The following IMMT variants were observed in gnomAD, a reference collection of about 807,000 sequenced individuals.
IMMT encodes MICOS complex subunit MIC60.
A neutral mutation model predicts 92.7 loss-of-function variants in IMMT; 40 were observed. That is an observed-to-expected ratio of 0.43 (90% CI 0.34 to 0.56). The LOEUF (loss-of-function observed/expected upper bound fraction) is 0.56. IMMT is among the 20% of genes least tolerant of loss of function. The probability of loss-of-function intolerance (pLI) is 0.03; values close to 1 mark genes in which losing one functional copy is unlikely to be tolerated. For synonymous variants in IMMT, 322 were observed against 336.1 expected (o/e 0.96, Z 0.46); for missense variants, 831 against 912.1 (o/e 0.91, Z 1.14).
intron 11 of IMMT, 64 bp from the exon 12 acceptor site, chr2:86,151,584 A>T: frequency 1.7e-6 from 2 of 1,172,632 alleles, no homozygotes; most frequent in Non-Finnish European, 2.5e-6. Flanking sequence ...TTACAAGGTA[A>T]TCTGCATCAA....
chr2:86,174,603 T>C (rs900462107), intron 3 of IMMT, among the ~76,000 whole-genome samples: 2 of 152,196 alleles, frequency 1.3e-5, no homozygotes, highest in African/African-American at 4.8e-5. Flanking sequence ...CTCTCTTAGG[T>C]AGCCACTGCT....
chr2:86,151,356 CAG>C lies in IMMT; in HGVS notation c.1340_1341del (p.Ser447CysfsTer12). 6.2e-7 allele frequency: 1 copy of C among 1,614,012 alleles called. No homozygotes were observed. The highest frequency in any genetic ancestry group is 8.5e-7 in the Non-Finnish European group (1 of 1,179,902). ...TGATGTTCTAATGCTTTTGCTACTG[CAG>C]AGTCAAATGCCCGCTTTTCTTCCAG... ...QKLEEKRAFD[S>X]AVAKALEHHR... On this transcript the variant is annotated frameshift_variant, in exon 12 of 15. Coordinates refer to ENST00000410111, the MANE Select transcript of IMMT (RefSeq NM_006839.3). LOFTEE classifies it high-confidence loss of function.
At chr2:86,192,992 T>A (rs569539218) in intron 1 of IMMT, 1 of 154,226 alleles carries the variant, frequency 6.5e-6, no homozygotes, top group Non-Finnish European at 1.5e-5. Flanking sequence ...CCAAAGAGCA[T>A]GACCTCATGT....
In IMMT at chr2:86,144,595, T is replaced by G. The variant is rs559198417; in HGVS notation, c.1950A>C (p.Glu650Asp). 1.7e-5 allele frequency: 28 copies of G among 1,613,984 alleles called. No homozygotes were observed. In the South Asian group the frequency reaches 2.5e-4, roughly 15 times the overall value. ...KLARRVAMIDETRNSLYQYFL... is the reference protein window; with the variant it reads ...KLARRVAMIDDTRNSLYQYFL... ...AGTACTGGTACAAGCTATTTCTGGT[T>G]TCATCAATCATTGCTACCCTTCGGG... Residue 650 changes from glutamate to aspartate, a missense_variant, in exon 15 of 15, where the codon GAA becomes GAC. Coordinates refer to ENST00000410111, the MANE Select transcript of IMMT (RefSeq NM_006839.3).
At chr2:86,187,897 A>G (rs1409137289) in intron 1 of IMMT, among the ~76,000 whole-genome samples, 1 of 150,688 alleles carries the variant, frequency 6.6e-6, no homozygotes, top group Non-Finnish European at 1.5e-5. Context: ...GGGCAACAAG[A>G]GTGAAACTCT....
intron 2 of IMMT, among the ~76,000 whole-genome samples, chr2:86,180,561 C>T (rs1243732668): frequency 2.0e-5 from 3 of 151,664 alleles, no homozygotes; most frequent in Admixed American, 6.6e-5. Flanking sequence ...CCACCACGCC[C>T]GGCCTAAACA....
At chr2:86,159,439 G>A in intron 9 of IMMT, 97 bp downstream of exon 9, 2 of 1,027,676 alleles carry the variant, frequency 1.9e-6, no homozygotes, top group East Asian at 2.6e-5. Flanking sequence ...AGAAAAGACG[G>A]GGAGATGGTA....
At chr2:86,188,766 T>C (rs1348498229) in intron 1 of IMMT, among the ~76,000 whole-genome samples, 1 of 152,096 alleles carries the variant, frequency 6.6e-6, no homozygotes, top group African/African-American at 2.4e-5. Context: ...TTTTTGTTAC[T>C]GAGTTGCAGG....
At chr2:86,152,867 CTAAT>C (rs1256525175) in intron 11 of IMMT, among the ~76,000 whole-genome samples, 1 of 151,974 alleles carries the variant, frequency 6.6e-6, no homozygotes, top group Non-Finnish European at 1.5e-5. Flanking sequence ...TTCTATATGA[CTAAT>C]GACTCAATTT....
At chr2:86,182,907 A>G (rs1672530393) in intron 1 of IMMT, among the ~76,000 whole-genome samples, 1 of 152,098 alleles carries the variant, frequency 6.6e-6, no homozygotes, top group South Asian at 2.1e-4. Flanking sequence ...CAAACAAACA[A>G]AAAAAACCCA....
intron 6 of IMMT, among the ~76,000 whole-genome samples, chr2:86,170,322 G>A (rs1175254167): frequency 2.0e-5 from 3 of 152,188 alleles, no homozygotes; most frequent in African/African-American, 7.2e-5. Flanking sequence ...AGGAGGCTGA[G>A]GTGGGAGGAT....
At chr2:86,185,981 G>A (rs960352901) in intron 1 of IMMT, among the ~76,000 whole-genome samples, 4 of 152,180 alleles carry the variant, frequency 2.6e-5, no homozygotes, top group African/African-American at 9.7e-5. Context: ...TTATGGAATG[G>A]TGACTGCTGT....
chr2:86,152,088 A>G (rs371731760), intron 11 of IMMT, among the ~76,000 whole-genome samples: 11 of 152,162 alleles, frequency 7.2e-5, no homozygotes, highest in African/African-American at 2.2e-4. Flanking sequence ...GCTTAAACCA[A>G]TGTTTGTTTT....
chr2:86,194,885 C>T (rs1673419170), intron 1 of IMMT: 1 of 177,020 alleles, frequency 5.6e-6, no homozygotes, highest in Admixed American at 6.4e-5. Context: ...ACAACCTTGA[C>T]CCCTAAAATG....
At chr2:86,191,421 AAAGC>A (rs1673110139) in intron 1 of IMMT, among the ~76,000 whole-genome samples, 1 of 152,040 alleles carries the variant, frequency 6.6e-6, no homozygotes, top group African/African-American at 2.4e-5. Context: ...AAAACAACAA[AAAGC>A]AAGAGGCAAT....
At chr2:86,192,808 C>T (rs1159005021) in intron 1 of IMMT, among the ~76,000 whole-genome samples, 1 of 151,912 alleles carries the variant, frequency 6.6e-6, no homozygotes, top group African/African-American at 2.4e-5. Flanking sequence ...GTTAAGCAAA[C>T]CTGTGAGAAG....
intron 1 of IMMT, among the ~76,000 whole-genome samples, chr2:86,182,333 C>T (rs1310157999): frequency 1.3e-5 from 2 of 152,272 alleles, no homozygotes; most frequent in Admixed American, 1.3e-4. Flanking sequence ...CAGAATAACA[C>T]AAACTTCCTT....
chr2:86,158,460 A>C, intron 10 of IMMT, 132 bp downstream of exon 10: 1 of 663,428 alleles, frequency 1.5e-6, no homozygotes, highest in South Asian at 2.2e-5. Flanking sequence ...TGGTTAAAAT[A>C]AAACGCTGTA....
In IMMT at chr2:86,144,131, A is replaced by G; in HGVS notation, c.*137T>C. 1.2e-6 allele frequency: 1 copy of G among 851,554 alleles called. No homozygotes were observed. The highest frequency in any genetic ancestry group is 1.8e-6 in the Non-Finnish European group (1 of 558,978). 52.7% of individuals were successfully genotyped at this position (851,554 alleles called of 1,614,324 possible). A position where few individuals can be genotyped will look rare whatever the true frequency, so the allele number is the denominator to read the frequency against. The stretch of plus-strand genomic sequence containing the variant: ...CAAATGGAAAGAATATAAATGCAAC[A>G]GGTGTTAACATTTAGAACAGTACTT... On this transcript the variant is annotated 3_prime_UTR_variant, in exon 15 of 15. Coordinates refer to ENST00000410111, the MANE Select transcript of IMMT (RefSeq NM_006839.3).
Sources: gnomAD v4.1 joint callset for allele counts (sites outside exome capture counted in the v4.1 genomes callset) on GRCh38, gnomAD v4.1.1 for gene constraint, MANE v1.5 for transcripts, NCBI Gene and HGNC (gene_info 2026-07-23, HGNC 2026-07-21) for gene names.